Variants in CLCA4 observed in about 807,000 individuals in gnomAD.
CLCA4 encodes the protein chloride channel accessory 4, also known as calcium-activated chloride channel regulator 4.
CLCA4 carries 69 observed loss-of-function variants against 78.9 expected under a neutral mutation model. That is an observed-to-expected ratio of 0.87 (90% confidence interval 0.72 to 1.07). The LOEUF (loss-of-function observed/expected upper bound fraction) is 1.07, where lower values mean the gene tolerates loss of function less well. Among genes scored for constraint, CLCA4 ranks in the 50% least tolerant of loss-of-function variants. The pLI, the probability that CLCA4 is intolerant of heterozygous loss-of-function variation, is 0.00. For synonymous variants in CLCA4, 362 were observed against 375.8 expected, an observed-to-expected ratio of 0.96 and a Z score of 0.42; for missense variants, 1,133 against 1,095.8, an observed-to-expected ratio of 1.03 and a Z score of -0.48.
intron 11 of CLCA4, among the ~76,000 whole-genome samples, chr1:86,577,583 T>C (rs1650556446): frequency 6.6e-6 from 1 of 151,802 alleles, no homozygotes; most frequent in Non-Finnish European, 1.5e-5. Context: ...GTGGAGAAAT[T>C]GTAAGAGTAC....
At position 86,575,418 on chromosome 1, in the gene CLCA4, T is replaced by C; in HGVS notation, c.1770T>C (p.Ser590=). The part of the protein sequence containing the change: ...ITVTSRAANS[S]VPPITVNAKM... The stretch of plus-strand genomic sequence containing the variant: ...TAACTTCTCGAGCAGCAAATTCTTC[T>C]GTGCCTCCAATCACAGTGAATGCTA... The change falls in exon 11 of 14, where the codon TCT becomes TCC. Residue 590 remains serine, a synonymous_variant. Coordinates refer to ENST00000370563, the MANE Select transcript of CLCA4 (RefSeq NM_012128.4). 6.2e-7 allele frequency: 1 copy of C among 1,613,478 alleles called. No individual in the cohort carries two copies. Among genetic ancestry groups the C allele is most frequent in the Non-Finnish European group, 8.5e-7 (1 of 1,179,590 alleles).
At chr1:86,576,793 G>A (rs1214926035) in intron 11 of CLCA4, among the ~76,000 whole-genome samples, 3 of 152,026 alleles carry the variant, frequency 2.0e-5, no homozygotes, top group East Asian at 1.9e-4. Context: ...ACCAGGTCTG[G>A]CTGGTAGGAA....
At chr1:86,556,923 G>C (rs1374206666) in intron 1 of CLCA4, among the ~76,000 whole-genome samples, 1 of 152,034 alleles carries the variant, frequency 6.6e-6, no homozygotes, top group Non-Finnish European at 1.5e-5. Flanking sequence ...TTCAGTCTTG[G>C]GAGATGTATG....
intron 12 of CLCA4, among the ~76,000 whole-genome samples, chr1:86,578,476 C>T (rs1450903960): frequency 6.6e-6 from 1 of 152,000 alleles, no homozygotes; most frequent in Non-Finnish European, 1.5e-5. Context: ...CTCAAGTAGG[C>T]CCTAGTGCCT....
At position 86,550,637 on chromosome 1, in the gene CLCA4, C is replaced by G. The variant is rs1470330104; in HGVS notation, c.159+3359C>G. Among the ~76,000 whole-genome samples, 3 of 151,618 alleles carry G rather than the reference C, an allele frequency of 2.0e-5. No homozygotes were observed. The East Asian group carries it at 5.9e-4, about 30-fold the overall frequency. On this transcript the variant is annotated intron_variant, in intron 1 of 13. Coordinates refer to ENST00000370563, the MANE Select transcript of CLCA4 (RefSeq NM_012128.4). ...ATTTTTCTAAGATCATAGTAAGTAT[C>G]ACAGTCAGAGGTAAGAATCGCTTCA...
intron 4 of CLCA4, 136 bp downstream of exon 4, chr1:86,563,905 G>T: frequency 2.0e-6 from 1 of 507,342 alleles, no homozygotes; most frequent in African/African-American, 2.0e-5. Flanking sequence ...TTTAGAAAGT[G>T]TATCTTTAAG....
At chr1:86,551,891 T>C (rs1259354228) in intron 1 of CLCA4, among the ~76,000 whole-genome samples, 1 of 83,926 alleles carries the variant, frequency 1.2e-5, no homozygotes, top group African/African-American at 4.3e-5. Flanking sequence ...CAGTAGATTT[T>C]CTAATGACAA....
At chr1:86,564,462 T>C (rs1169749659) in intron 4 of CLCA4, among the ~76,000 whole-genome samples, 1 of 152,128 alleles carries the variant, frequency 6.6e-6, no homozygotes, top group Non-Finnish European at 1.5e-5. Context: ...GTTTATGTCA[T>C]ATTCCCCTTA....
intron 12 of CLCA4, among the ~76,000 whole-genome samples, chr1:86,578,658 A>C (rs1338937702): frequency 6.6e-6 from 1 of 152,062 alleles, no homozygotes; most frequent in African/African-American, 2.4e-5. Flanking sequence ...ATCAGTTATT[A>C]TTATGTTAGT....
At position 86,580,320 on chromosome 1, in the gene CLCA4, A is replaced by G; in HGVS notation, c.2735A>G (p.Asn912Ser). The change falls in exon 14 of 14, where the codon AAC becomes AGC. Residue 912 changes from asparagine (N) to serine (S), a missense_variant. Physicochemically the swap from Asn to Ser is conservative, Grantham distance 46. Transcript: ENST00000370563. ...GTGATTGGGTCTGTTGTAATTGTTA[A>G]CTTTATTTTAAGTACCACCATTTGA... ...LSVIGSVVIV[N>S]FILSTTI 6.3e-7 allele frequency: 1 copy of G among 1,594,464 alleles called. No homozygotes were observed. The highest frequency in any genetic ancestry group is 8.5e-7 in the Non-Finnish European group (1 of 1,172,922).
intron 5 of CLCA4, 21 bp downstream of exon 5, chr1:86,565,472 T>C (rs1176673785): frequency 6.6e-7 from 1 of 1,517,980 alleles, no homozygotes; most frequent in African/African-American, 1.4e-5. Flanking sequence ...TGATAATTGC[T>C]TCCAGAATTT....
chr1:86,550,299 C>A (rs1265677507), intron 1 of CLCA4, among the ~76,000 whole-genome samples: 1 of 152,098 alleles, frequency 6.6e-6, no homozygotes, highest in East Asian at 1.9e-4. Flanking sequence ...GTTTAAAGAA[C>A]AGTTAATGCA....
In CLCA4 at chr1:86,565,913, A is replaced by G; in HGVS notation, c.847A>G (p.Lys283Glu). The change falls in exon 6 of 14, where the codon AAA (lysine) becomes GAA (glutamate). Residue 283 changes from lysine (K) to glutamate (E), a missense_variant. Lys to Glu is a moderately conservative substitution (Grantham distance 56, BLOSUM62 1). Transcript: ENST00000370563. ...WEVISNSEDF[K>E]NTIPMVTPPP... ...GGTGATTAGCAATTCTGAGGATTTT[A>G]AAAACACCATACCCATGGTGACACC... The G allele has an allele frequency of 1.9e-6, 3 of 1,612,892 alleles. No individual in the cohort carries two copies. In the East Asian group the frequency reaches 6.7e-5, roughly 36 times the overall value.
chr1:86,573,446 C>T (rs987073152), intron 9 of CLCA4, among the ~76,000 whole-genome samples: 6 of 152,092 alleles, frequency 3.9e-5, no homozygotes, highest in Admixed American at 3.9e-4. Flanking sequence ...TTCATTCCTA[C>T]ATGTCTATGT....
At position 86,580,344 on chromosome 1, in the gene CLCA4, G is replaced by T. The variant is rs1253301126; in HGVS notation, c.2759G>T (p.Ter920LeuextTer10). The stretch of plus-strand genomic sequence containing the variant: ...AACTTTATTTTAAGTACCACCATTT[G>T]AACCTTAACGAAGAAAAAAATCTTC... ...IVNFILSTTI* is the reference protein window; with the variant it reads ...IVNFILSTTIL Residue 920 changes from the stop codon to leucine, a stop_lost, in exon 14 of 14, where the codon TGA becomes TTA. Transcript: ENST00000370563. 6 of 1,558,362 alleles carry T rather than the reference G, an allele frequency of 3.9e-6. No individual in the cohort carries two copies. Among genetic ancestry groups the T allele is most frequent in the South Asian group, 1.3e-5 (1 of 79,990 alleles).
At chr1:86,560,473 T>C in intron 3 of CLCA4, 115 bp downstream of exon 3, 1 of 1,013,624 alleles carries the variant, frequency 9.9e-7, no homozygotes, top group Non-Finnish European at 1.4e-6. Context: ...CTGGCTCCCC[T>C]ACTTACTAGC....
chr1:86,571,127 G>A lies in CLCA4; in HGVS notation c.1233G>A (p.Leu411=). ...TCGATGGATCCGAAGTACTGCTGCT[G>A]ACTGATGGGGAGGATAACACTGCAA... is the stretch of plus-strand genomic sequence containing the variant. ...SQLDGSEVLL[L]TDGEDNTASS... is the part of the protein sequence containing the mutation. The change falls in exon 8 of 14, where the codon CTG becomes CTA. Residue 411 remains leucine, a synonymous_variant. Coordinates refer to ENST00000370563, the MANE Select transcript of CLCA4 (RefSeq NM_012128.4). The A allele has an allele frequency of 6.2e-7, 1 of 1,612,756 alleles. No homozygotes were observed. Among genetic ancestry groups the A allele is most frequent in the East Asian group, 2.2e-5 (1 of 44,868 alleles).
chr1:86,563,552 G>A, intron 3 of CLCA4, 109 bp from the exon 4 acceptor site: 2 of 534,504 alleles, frequency 3.7e-6, no homozygotes, highest in Non-Finnish European at 3.3e-6. Flanking sequence ...GATAGTTGTT[G>A]AAAACCGAAA....
In CLCA4 at chr1:86,567,471, G is replaced by T; in HGVS notation, c.1002G>T (p.Leu334=). Residue 334 remains leucine, a synonymous_variant, in exon 7 of 14, where the codon CTG becomes CTT. Transcript: ENST00000370563. Reference sequence around the variant, plus strand: ...TGAATCAAGCAGCAAAACATTTCCTGCTGCAGACTGTTGAAAATGGATCCT... The same window carrying T: ...TGAATCAAGCAGCAAAACATTTCCTTCTGCAGACTGTTGAAAATGGATCCT... ...NRMNQAAKHF[L]LQTVENGSWV... is the part of the protein sequence containing the mutation. 6.2e-7 allele frequency: 1 copy of T among 1,613,228 alleles called. No individual in the cohort carries two copies. Among genetic ancestry groups the T allele is most frequent in the Non-Finnish European group, 8.5e-7 (1 of 1,179,420 alleles).
Sources: gnomAD v4.1 joint callset for allele counts (sites outside exome capture counted in the v4.1 genomes callset) on GRCh38, gnomAD v4.1.1 for gene constraint, MANE v1.5 for transcripts, NCBI Gene and HGNC (gene_info 2026-07-23, HGNC 2026-07-21) for gene names.